The following AUTS2 variants were observed in gnomAD, a reference collection of about 807,000 sequenced individuals.
AUTS2 encodes activator of transcription and developmental regulator AUTS2.
Under a neutral mutation model 112.4 loss-of-function variants are expected in AUTS2, and 17 were observed. That is an observed-to-expected ratio of 0.15 (90% CI 0.10 to 0.23). The LOEUF (loss-of-function observed/expected upper bound fraction) is 0.23. Among genes scored for constraint, AUTS2 ranks in the 10% least tolerant of loss-of-function variants. The pLI is 1.00. For missense variants in AUTS2, 1,510 were observed against 1,701.6 expected (o/e 0.89, Z 1.98); for synonymous variants, 751 against 702.7 (o/e 1.07, Z -1.09).
chr7:70,120,185 C>T (rs1308860300), intron 3 of AUTS2: 1 of 152,106 alleles, frequency 6.6e-6, no homozygotes, highest in Non-Finnish European at 1.5e-5. Context: ...CACATTTCTG[C>T]ACCTCTCATG....
intron 1 of AUTS2, among the ~76,000 whole-genome samples, chr7:69,803,974 G>A (rs6460529): frequency 0.93 from 141,243 of 152,272 alleles, 65,653 homozygotes; most frequent in South Asian, 0.99. Flanking sequence ...TGCGGCTGCA[G>A]TGATCATTGT....
chr7:69,605,233 C>T (rs868363840), intron 1 of AUTS2, among the ~76,000 whole-genome samples: 5 of 152,212 alleles, frequency 3.3e-5, no homozygotes, highest in Middle Eastern at 3.4e-3. Flanking sequence ...TGATGGTAGA[C>T]GACTTGGAAA....
intron 4 of AUTS2, among the ~76,000 whole-genome samples, chr7:70,311,162 C>T (rs550362045): frequency 1.3e-5 from 2 of 152,236 alleles, no homozygotes; most frequent in Admixed American, 1.3e-4. Context: ...ACTTACAAAG[C>T]CTATTGATTC....
At chr7:70,233,696 T>A (rs994042831) in intron 4 of AUTS2, among the ~76,000 whole-genome samples, 1 of 152,250 alleles carries the variant, frequency 6.6e-6, no homozygotes, top group Non-Finnish European at 1.5e-5. Flanking sequence ...CTTTCTTTTC[T>A]TCTTTTTTGA....
chr7:70,739,804 T>TA lies in AUTS2; in HGVS notation c.743-23044dup, dbSNP rs35729505. Among the ~76,000 whole-genome samples, 1,372 of 139,548 alleles carry TA rather than the reference T, an allele frequency of 9.8e-3. 18 individuals are homozygous for TA. Among genetic ancestry groups the TA allele is most frequent in the African/African-American group, 0.031 (1,161 of 37,634 alleles). 91.5% of individuals were successfully genotyped at this position (139,548 alleles called of 152,430 possible). On this transcript the variant is annotated intron_variant, in intron 6 of 18. Transcript: ENST00000342771. ...TCTGTCTTTGGGCAGCTCTAATTGTTAAAAAAAAAAAAAAAAAAAAAAGTC... is the reference window on the plus strand; with the variant it reads ...TCTGTCTTTGGGCAGCTCTAATTGTTAAAAAAAAAAAAAAAAAAAAAAAGTC...
At chr7:69,626,399 C>T (rs539863599) in intron 1 of AUTS2, among the ~76,000 whole-genome samples, 8 of 152,140 alleles carry the variant, frequency 5.3e-5, no homozygotes, top group South Asian at 2.1e-4. Flanking sequence ...GCCTGGTTGC[C>T]GTGTCCACAG....
chr7:69,692,720 G>A (rs574866056), intron 1 of AUTS2, among the ~76,000 whole-genome samples: 1 of 152,316 alleles, frequency 6.6e-6, no homozygotes, highest in African/African-American at 2.4e-5. Flanking sequence ...GATGGGGCTT[G>A]GGGGATGGTT....
intron 1 of AUTS2, among the ~76,000 whole-genome samples, chr7:69,769,923 A>G (rs1016991631): frequency 6.6e-6 from 1 of 152,232 alleles, no homozygotes; most frequent in South Asian, 2.1e-4. Context: ...CCATGTAGCA[A>G]GTGTTTCAGT....
At position 69,647,048 on chromosome 7, in the gene AUTS2, A is replaced by C. The variant is rs1416087013; in HGVS notation, c.309+47086A>C. On this transcript the variant is annotated intron_variant, in intron 1 of 18. Coordinates refer to ENST00000342771, the MANE Select transcript of AUTS2 (RefSeq NM_015570.4). ...GCTTGCAGTGAGCCGAGATGGCGCC[A>C]CTGCACTCCAGCCTGGGCGATAGAG... 2.0e-5 allele frequency among the ~76,000 whole-genome samples: 3 copies of C among 152,236 alleles called. No individual in the cohort carries two copies. The East Asian group carries it at 5.8e-4, about 29-fold the overall frequency.
chr7:70,134,800 A>G (rs1806464559), intron 4 of AUTS2, among the ~76,000 whole-genome samples: 1 of 152,194 alleles, frequency 6.6e-6, no homozygotes, highest in African/African-American at 2.4e-5. Flanking sequence ...CCTAACGCCC[A>G]GGACATTAAG....
At chr7:69,632,981 A>G (rs1467699447) in intron 1 of AUTS2, among the ~76,000 whole-genome samples, 2 of 152,322 alleles carry the variant, frequency 1.3e-5, no homozygotes, top group Admixed American at 6.5e-5. Context: ...AGGCAAGAGC[A>G]GCTAAAATCT....
In AUTS2 at chr7:69,641,932, A is replaced by G. The variant is rs117636286; in HGVS notation, c.309+41970A>G. Among the ~76,000 whole-genome samples, 87 of 152,310 alleles carry G rather than the reference A, an allele frequency of 5.7e-4. 1 individual carries two copies. The East Asian group carries it at 0.015, about 26-fold the overall frequency. On this transcript the variant is annotated intron_variant, in intron 1 of 18. Coordinates refer to ENST00000342771, the MANE Select transcript of AUTS2 (RefSeq NM_015570.4). ...TTTAAAGTATTTGTATCCATTTGCAATTTGGGGACAGAGTGATTCCCAGTA... is the reference window on the plus strand; with the variant it reads ...TTTAAAGTATTTGTATCCATTTGCAGTTTGGGGACAGAGTGATTCCCAGTA...
intron 1 of AUTS2, among the ~76,000 whole-genome samples, chr7:69,878,788 G>A (rs1793914113): frequency 6.6e-6 from 1 of 152,190 alleles, no homozygotes; most frequent in South Asian, 2.1e-4. Context: ...CTGAGTGTGT[G>A]TCTTAGAGCT....
chr7:70,644,522 G>T (rs564329870), intron 5 of AUTS2, among the ~76,000 whole-genome samples: 1 of 151,998 alleles, frequency 6.6e-6, no homozygotes, highest in African/African-American at 2.4e-5. Flanking sequence ...TCCACACATC[G>T]TCTCGCACCC....
rs145738844 is a variant in AUTS2, at chr7:70,094,590, A to G, written c.523-23542A>G. Among the ~76,000 whole-genome samples, 644 of 152,344 alleles carry G rather than the reference A, an allele frequency of 4.2e-3. 8 individuals carry two copies. The highest frequency in any genetic ancestry group is 0.015 in the African/African-American group (604 of 41,580). ...ATGCAATATCATAAGATACTGCTAC[A>G]GCTCTTGCCCTGCCCTGGATTTGTT... is the stretch of plus-strand genomic sequence containing the variant. On this transcript the variant is annotated intron_variant, in intron 2 of 18. Coordinates refer to ENST00000342771, the MANE Select transcript of AUTS2 (RefSeq NM_015570.4).
chr7:70,275,556 A>G (rs1787889659), intron 4 of AUTS2, among the ~76,000 whole-genome samples: 1 of 152,134 alleles, frequency 6.6e-6, no homozygotes, highest in South Asian at 2.1e-4. Context: ...AAAAATTTGT[A>G]TATTTGCCAC....
Position 70,378,322 on chromosome 7 carries a change from T to G in AUTS2, c.661-57430T>G, listed in dbSNP as rs1793211238. On this transcript the variant is annotated intron_variant, in intron 4 of 18. Transcript: ENST00000342771. ...ATTGAAATATTTTTGCATCTGCCAATGTAACAACTTTTAAGCTCTGTGGAA... is the reference window on the plus strand; with the variant it reads ...ATTGAAATATTTTTGCATCTGCCAAGGTAACAACTTTTAAGCTCTGTGGAA... Among the ~76,000 whole-genome samples, 7 of 152,366 alleles carry G rather than the reference T, an allele frequency of 4.6e-5. 1 individual carries two copies. In the South Asian group the frequency reaches 1.4e-3, roughly 32 times the overall value.
At chr7:69,883,282 C>CTT (rs371904658) in intron 1 of AUTS2, among the ~76,000 whole-genome samples, 8 of 137,710 alleles carry the variant, frequency 5.8e-5, no homozygotes, top group Admixed American at 7.3e-5. Flanking sequence ...CATAGAGTTC[C>CTT]TTTTTTTTTT....
At chr7:69,889,628 T>C (rs1313520090) in intron 1 of AUTS2, among the ~76,000 whole-genome samples, 1 of 152,210 alleles carries the variant, frequency 6.6e-6, no homozygotes, top group Admixed American at 6.5e-5. Context: ...GAAAAATGTC[T>C]AGTCAGATTT....
Sources: allele counts gnomAD v4.1 joint callset (sites outside exome capture counted in the v4.1 genomes callset), GRCh38; gene constraint gnomAD v4.1.1; transcripts MANE v1.5; gene names NCBI Gene and HGNC (gene_info 2026-07-23, HGNC 2026-07-21).